The following ZNF423 variants were observed in gnomAD, a reference collection of about 807,000 sequenced individuals.
ZNF423 encodes the protein Ebf-associated zinc finger protein.
A neutral mutation model predicts 95.8 loss-of-function variants in ZNF423; 12 were observed. That is an observed-to-expected ratio of 0.13 (90% CI 0.08 to 0.20). ZNF423 has a LOEUF of 0.20. Ranked by LOEUF, ZNF423 falls within the 10% of genes least tolerant of loss-of-function variation. The probability of loss-of-function intolerance (pLI) is 1.00; values close to 1 mark genes in which losing one functional copy is unlikely to be tolerated. For synonymous variants in ZNF423, 749 were observed against 711.9 expected, an observed-to-expected ratio of 1.05 and a Z score of -0.83; for missense variants, 1,316 against 1,737.1, an observed-to-expected ratio of 0.76 and a Z score of 4.31.
chr16:49,563,801 A>T (rs1265267609), intron 5 of ZNF423, among the ~76,000 whole-genome samples: 1 of 152,204 alleles, frequency 6.6e-6, no homozygotes. Context: ...TGGTATGGCC[A>T]GCTCAGGAAT....
chr16:49,611,272 A>G (rs1971712032), intron 5 of ZNF423, among the ~76,000 whole-genome samples: 1 of 152,090 alleles, frequency 6.6e-6, no homozygotes, highest in East Asian at 1.9e-4. Flanking sequence ...AAATGTCAAC[A>G]TATTTAAAAT....
At chr16:49,649,594 T>C (rs141991363) in intron 3 of ZNF423, among the ~76,000 whole-genome samples, 1 of 152,172 alleles carries the variant, frequency 6.6e-6, no homozygotes, top group African/African-American at 2.4e-5. Context: ...AATTAATTAC[T>C]GTTTAAACAT....
chr16:49,531,709 C>T (rs1232070431), intron 5 of ZNF423, among the ~76,000 whole-genome samples: 1 of 152,152 alleles, frequency 6.6e-6, no homozygotes, highest in Admixed American at 6.5e-5. Context: ...GGGAGTCAAC[C>T]AGGGTCATAG....
rs149976493 is a variant in ZNF423, at chr16:49,603,423, T to TC, written c.3601+22746dup. On this transcript the variant is annotated intron_variant, in intron 5 of 7. Coordinates refer to ENST00000563137, the MANE Select transcript of ZNF423 (RefSeq NM_001379286.1). The surrounding 1 kb of genome is among the most constrained non-coding windows in gnomAD (Gnocchi z 4.1). ...ACTGTCACTGTCTAGATTTTTTTTT[T>TC]CTTCAGACGAAGTCTCACTCTTGTC... Among the ~76,000 whole-genome samples, 2,499 of 152,282 alleles carry TC rather than the reference T, an allele frequency of 0.016. 64 individuals carry two copies. The highest frequency in any genetic ancestry group is 0.057 in the African/African-American group (2,365 of 41,540).
chr16:49,636,581 G>A lies in ZNF423; in HGVS notation c.2595C>T (p.Asp865=), dbSNP rs1378501194. The change falls in exon 4 of 8, where the codon GAC becomes GAT. Residue 865 remains aspartate, a synonymous_variant. Transcript: ENST00000563137. The surrounding 1 kb of genome is among the most constrained non-coding windows in gnomAD (Gnocchi z 8.6). ...PMATKKAEPA[D]LQGMLLKNPE... is the part of the protein sequence containing the mutation. ...GGTTCTTAAGCAGCATGCCCTGCAGGTCAGCAGGCTCAGCTTTCTTGGTGG... is the reference window on the plus strand; with the variant it reads ...GGTTCTTAAGCAGCATGCCCTGCAGATCAGCAGGCTCAGCTTTCTTGGTGG... The A allele has an allele frequency of 1.9e-6, 3 of 1,613,968 alleles. No individual in the cohort carries two copies. The highest frequency in any genetic ancestry group is 1.7e-6 in the Non-Finnish European group (2 of 1,179,994).
intron 5 of ZNF423, among the ~76,000 whole-genome samples, chr16:49,531,289 G>A (rs925498897): frequency 6.6e-6 from 1 of 151,630 alleles, no homozygotes; most frequent in African/African-American, 2.4e-5. Flanking sequence ...TGCGCATCTA[G>A]TATCAGGTCA....
intron 3 of ZNF423, among the ~76,000 whole-genome samples, chr16:49,643,632 C>T (rs749728213): frequency 1.9e-4 from 28 of 145,780 alleles, no homozygotes; most frequent in Non-Finnish European, 3.7e-4. Context: ...CCCATGCTTC[C>T]CCTGCCCCCC....
intron 5 of ZNF423, among the ~76,000 whole-genome samples, chr16:49,611,392 T>G (rs1359450868): frequency 6.6e-6 from 1 of 151,988 alleles, no homozygotes; most frequent in Non-Finnish European, 1.5e-5. Context: ...GACGTACCTC[T>G]AAATAATCAT....
chr16:49,772,724 T>C (rs995055004), intron 2 of ZNF423, among the ~76,000 whole-genome samples: 9 of 152,118 alleles, frequency 5.9e-5, no homozygotes, highest in Non-Finnish European at 1.0e-4. Flanking sequence ...TGAAAATACA[T>C]CTTAAAACCC....
rs530262945 is a variant in ZNF423, at chr16:49,722,744, T to G, written c.301+8027A>C. Among the ~76,000 whole-genome samples, 4 of 152,288 alleles carry G rather than the reference T, an allele frequency of 2.6e-5. No homozygotes were observed. In the South Asian group the frequency reaches 8.3e-4, roughly 32 times the overall value. On this transcript the variant is annotated intron_variant, in intron 3 of 7. Transcript: ENST00000563137. ...CCTTAGCCCCAAGAACAAACATTCCTTGAGCACCTACTATGTGTTCTAGCC... is the reference window on the plus strand; with the variant it reads ...CCTTAGCCCCAAGAACAAACATTCCGTGAGCACCTACTATGTGTTCTAGCC...
At chr16:49,527,757 C>T (rs981180296) in intron 5 of ZNF423, among the ~76,000 whole-genome samples, 4 of 152,176 alleles carry the variant, frequency 2.6e-5, no homozygotes, top group African/African-American at 4.8e-5. Context: ...TCAAGTAACA[C>T]AGCCAGATGG....
chr16:49,822,698 T>C, intron 1 of ZNF423: 1 of 1,611,986 alleles, frequency 6.2e-7, no homozygotes, highest in Non-Finnish European at 8.5e-7. Flanking sequence ...ATGTCTTTCT[T>C]CTTTTACAGG....
intron 3 of ZNF423, among the ~76,000 whole-genome samples, chr16:49,724,871 C>A (rs569625946): frequency 1.1e-4 from 16 of 152,306 alleles, no homozygotes; most frequent in African/African-American, 2.9e-4. Flanking sequence ...AATTAACCCA[C>A]CAGGAACACA....
chr16:49,565,119 C>T (rs564138351), intron 5 of ZNF423, among the ~76,000 whole-genome samples: 2 of 152,348 alleles, frequency 1.3e-5, no homozygotes, highest in African/African-American at 4.8e-5. Flanking sequence ...CTGGTTGCTG[C>T]TTTTAATCTA....
intron 5 of ZNF423, among the ~76,000 whole-genome samples, chr16:49,590,745 T>C (rs1970988742): frequency 6.6e-6 from 1 of 152,160 alleles, no homozygotes; most frequent in South Asian, 2.1e-4. Flanking sequence ...GGCCTCCCAG[T>C]AATTAACACC....
At chr16:49,651,344 AAGG>A (rs1158642539) in intron 3 of ZNF423, among the ~76,000 whole-genome samples, 1 of 152,092 alleles carries the variant, frequency 6.6e-6, no homozygotes, top group Non-Finnish European at 1.5e-5. Flanking sequence ...GTTTTTCTTG[AAGG>A]AGAAGAAGGC....
intron 5 of ZNF423, among the ~76,000 whole-genome samples, chr16:49,546,763 G>C (rs1236257466): frequency 6.6e-6 from 1 of 152,102 alleles, no homozygotes; most frequent in Non-Finnish European, 1.5e-5. Flanking sequence ...ATTGTCCTGT[G>C]CTCCTCAGCC....
chr16:49,781,432 C>T (rs904393357), intron 2 of ZNF423, among the ~76,000 whole-genome samples: 1 of 152,170 alleles, frequency 6.6e-6, no homozygotes, highest in Non-Finnish European at 1.5e-5. Flanking sequence ...TACAGGGAAA[C>T]CCACTGCGAG....
chr16:49,640,992 G>T lies in ZNF423; in HGVS notation c.302-2118C>A, dbSNP rs1972957062. ...CCAGGGAGGAGATGGCTGGGGCCAG[G>T]GGACCTACTCGGCCCCCGCTCCAGG... On this transcript the variant is annotated intron_variant, in intron 3 of 7. Transcript: ENST00000563137. 3 of 151,106 alleles carry T rather than the reference G, an allele frequency of 2.0e-5. No homozygotes were observed. The South Asian group carries it at 6.2e-4, about 31-fold the overall frequency. The allele number at this position is 151,106 out of a possible 1,614,324, so 9.4% of individuals were successfully genotyped here.
Sources: allele counts gnomAD v4.1 joint callset (sites outside exome capture counted in the v4.1 genomes callset), GRCh38; gene constraint gnomAD v4.1.1; non-coding constraint Gnocchi (gnomAD v3.1); transcripts MANE v1.5; gene names NCBI Gene and HGNC (gene_info 2026-07-23, HGNC 2026-07-21).